The following MEGF10 variants were observed in gnomAD, a reference collection of about 807,000 sequenced individuals.
The protein encoded by MEGF10 is multiple epidermal growth factor-like domains protein 10.
In MEGF10, 86 loss-of-function variants were observed where a neutral mutation model predicts 147.5. The ratio of observed to expected loss-of-function variants is 0.58; its 90% CI spans 0.49 to 0.70. MEGF10 has a LOEUF of 0.70. Among genes scored for constraint, MEGF10 ranks in the 30% least tolerant of loss-of-function variants. The probability of loss-of-function intolerance (pLI) is 0.00; values close to 1 mark genes in which losing one functional copy is unlikely to be tolerated. For synonymous variants in MEGF10, 478 were observed against 525.5 expected, an observed-to-expected ratio of 0.91 and a Z score of 1.24; for missense variants, 1,329 against 1,487.3, an observed-to-expected ratio of 0.89 and a Z score of 1.75.
At chr5:127,387,169 A>G (rs767992333) in intron 5 of MEGF10, among the ~76,000 whole-genome samples, 1 of 152,192 alleles carries the variant, frequency 6.6e-6, no homozygotes, top group Admixed American at 6.5e-5. Flanking sequence ...TTGCTGATAG[A>G]GTCCTTTGGA....
intron 1 of MEGF10, among the ~76,000 whole-genome samples, chr5:127,309,950 T>TTTCC (rs149050328): frequency 0.24 from 17,599 of 72,836 alleles, 3,903 homozygotes; most frequent in Non-Finnish European, 0.26. Flanking sequence ...TTGCCAACTC[T>TTTCC]TTCTTTCTTT....
the MEGF10 span, among the ~76,000 whole-genome samples, chr5:127,270,365 T>C: frequency 6.6e-6 from 1 of 151,730 alleles, no homozygotes; most frequent in Non-Finnish European, 1.5e-5. Context: ...ACACATAGGC[T>C]CAAAATAAAG....
chr5:127,246,778 T>A, the MEGF10 span, among the ~76,000 whole-genome samples: 34 of 43,424 alleles, frequency 7.8e-4, 1 homozygote, highest in Admixed American at 0.011. Flanking sequence ...TAAATTATAT[T>A]TATATATAAT....
At chr5:127,362,370 T>A (rs1211735756) in intron 4 of MEGF10, among the ~76,000 whole-genome samples, 1 of 147,524 alleles carries the variant, frequency 6.8e-6, no homozygotes, top group Admixed American at 6.8e-5. Flanking sequence ...TAAAAAAAAA[T>A]TATTATTTTT....
chr5:127,349,511 C>T (rs1762013097), intron 4 of MEGF10, among the ~76,000 whole-genome samples: 1 of 152,122 alleles, frequency 6.6e-6, no homozygotes, highest in African/African-American at 2.4e-5. Flanking sequence ...CTACCCACCT[C>T]CAGCCCTTGG....
At chr5:127,351,478 C>T (rs1288116139) in intron 4 of MEGF10, among the ~76,000 whole-genome samples, 1 of 152,092 alleles carries the variant, frequency 6.6e-6, no homozygotes, top group Non-Finnish European at 1.5e-5. Context: ...ACGTTAGGCA[C>T]ACGTAGTTTT....
In MEGF10 at chr5:127,416,415, A is replaced by G. The variant is rs114066380; in HGVS notation, c.1131-1223A>G. ...AGGATAAGAAATTGGCCCAAGGATAATAGAAGATAAGCAGACTTGAGTAGT... is the reference window on the plus strand; with the variant it reads ...AGGATAAGAAATTGGCCCAAGGATAGTAGAAGATAAGCAGACTTGAGTAGT... On this transcript the variant is annotated intron_variant, in intron 9 of 24. Coordinates refer to ENST00000503335, the MANE Select transcript of MEGF10 (RefSeq NM_001256545.2). Among the ~76,000 whole-genome samples the G allele has an allele frequency of 2.3e-3, 356 of 152,254 alleles. 3 individuals are homozygous for G. Among genetic ancestry groups the G allele is most frequent in the Middle Eastern group, 0.01 (3 of 294 alleles).
chr5:127,291,361 C>A (rs1759248071), intron 1 of MEGF10, among the ~76,000 whole-genome samples: 1 of 152,106 alleles, frequency 6.6e-6, no homozygotes, highest in South Asian at 2.1e-4. Context: ...GTGTTTGTTT[C>A]ATTTTGCCGG....
intron 4 of MEGF10, 120 bp downstream of exon 4, chr5:127,340,750 C>T (rs1236144086): frequency 1.4e-6 from 1 of 725,794 alleles, no homozygotes; most frequent in Non-Finnish European, 2.4e-6. Flanking sequence ...TTCCTTTTCC[C>T]TCTGGTTGCT....
intron 2 of MEGF10, among the ~76,000 whole-genome samples, chr5:127,334,406 A>T (rs917181769): frequency 1.4e-4 from 22 of 152,174 alleles, no homozygotes; most frequent in African/African-American, 5.1e-4. Context: ...CTGCATTTTA[A>T]CAAGATCCCA....
intron 7 of MEGF10, among the ~76,000 whole-genome samples, chr5:127,401,558 A>G (rs1004911022): frequency 3.9e-5 from 6 of 152,166 alleles, no homozygotes; most frequent in African/African-American, 1.4e-4. Flanking sequence ...CTAGCCTCCA[A>G]TTTCAGAGTG....
chr5:127,317,058 A>G (rs1760582077), intron 1 of MEGF10, among the ~76,000 whole-genome samples: 2 of 152,198 alleles, frequency 1.3e-5, no homozygotes, highest in African/African-American at 4.8e-5. Flanking sequence ...AGCGACATAT[A>G]CATGAGTTTG....
In MEGF10 at chr5:127,447,641, C is replaced by T; in HGVS notation, c.2813C>T (p.Thr938Ile). Reference protein sequence around the residue: ...PSYHTLTQCATSPHVNNRDRM... With the variant: ...PSYHTLTQCAISPHVNNRDRM... ...TACCACACGCTCACCCAGTGTGCCACATCCCCTCACGTCAACAACAGGGAC... is the reference window on the plus strand; with the variant it reads ...TACCACACGCTCACCCAGTGTGCCATATCCCCTCACGTCAACAACAGGGAC... The change falls in exon 21 of 25, where the codon ACA (threonine) becomes ATA (isoleucine). Residue 938 changes from threonine (T) to isoleucine (I), a missense_variant. Thr to Ile is a moderately conservative substitution (Grantham distance 89). This residue lies in a region of MEGF10 where 343 missense variants were observed against 377.9 expected (regional missense o/e 0.91). Coordinates refer to ENST00000503335, the MANE Select transcript of MEGF10 (RefSeq NM_001256545.2). 6.2e-7 allele frequency: 1 copy of T among 1,614,154 alleles called. No homozygotes were observed. The highest frequency in any genetic ancestry group is 8.5e-7 in the Non-Finnish European group (1 of 1,180,008).
chr5:127,341,037 A>G (rs1487552546), intron 4 of MEGF10, among the ~76,000 whole-genome samples: 3 of 152,190 alleles, frequency 2.0e-5, no homozygotes, highest in Non-Finnish European at 4.4e-5. Context: ...TTTCTGGTGC[A>G]CAGAATGATG....
chr5:127,289,678 A>T (rs1480802979), upstream of MEGF10, among the ~76,000 whole-genome samples: 17 of 152,250 alleles, frequency 1.1e-4, no homozygotes. Context: ...ATCTATGTTC[A>T]TTCATTCCAT....
chr5:127,378,410 C>T (rs1763114787), intron 5 of MEGF10, among the ~76,000 whole-genome samples: 1 of 152,156 alleles, frequency 6.6e-6, no homozygotes, highest in Non-Finnish European at 1.5e-5. Context: ...TGGGGCAGCC[C>T]TTTGTGACAT....
chr5:127,247,403 A>G, the MEGF10 span, among the ~76,000 whole-genome samples: 45 of 61,192 alleles, frequency 7.4e-4, 1 homozygote, highest in African/African-American at 2.3e-3. Context: ...AAGAAGAAGA[A>G]GAAGAAGAAG....
chr5:127,412,898 G>A (rs1764626034), intron 9 of MEGF10, among the ~76,000 whole-genome samples: 1 of 152,138 alleles, frequency 6.6e-6, no homozygotes, highest in African/African-American at 2.4e-5. Flanking sequence ...GGGTGATGGG[G>A]CTGACTGAGC....
At chr5:127,376,808 A>G (rs1763048532) in intron 5 of MEGF10, among the ~76,000 whole-genome samples, 1 of 152,240 alleles carries the variant, frequency 6.6e-6, no homozygotes, top group Non-Finnish European at 1.5e-5. Context: ...GAGGTGCAGA[A>G]CATTTAGGTG....
Sources: allele counts gnomAD v4.1 joint callset (sites outside exome capture counted in the v4.1 genomes callset), GRCh38; gene constraint gnomAD v4.1.1; regional missense constraint gnomAD v4.1.1; transcripts MANE v1.5; gene names NCBI Gene and HGNC (gene_info 2026-07-23, HGNC 2026-07-21).